The following KCNT2 variants were observed in gnomAD, a reference collection of about 807,000 sequenced individuals.
The protein encoded by KCNT2 is potassium sodium-activated channel subfamily T member 2.
A neutral mutation model predicts 153.8 loss-of-function variants in KCNT2; 67 were observed. The ratio of observed to expected loss-of-function variants is 0.44; its 90% CI spans 0.36 to 0.53. The LOEUF (loss-of-function observed/expected upper bound fraction) is 0.53, where lower values mean the gene tolerates loss of function less well. KCNT2 is among the 20% of genes least tolerant of loss of function. The pLI is 0.00. For synonymous variants in KCNT2, 500 were observed against 458.8 expected (o/e 1.09, Z -1.15); for missense variants, 975 against 1,354.8 (o/e 0.72, Z 4.40).
At chr1:196,240,531 A>T (rs571799304) in intron 26 of KCNT2, among the ~76,000 whole-genome samples, 13 of 152,090 alleles carry the variant, frequency 8.5e-5, no homozygotes, top group Non-Finnish European at 1.8e-4. Flanking sequence ...TATAAAAAAC[A>T]ATTATATATG....
At chr1:196,234,906 G>A (rs1430310821) in intron 27 of KCNT2, among the ~76,000 whole-genome samples, 1 of 151,234 alleles carries the variant, frequency 6.6e-6, no homozygotes, top group African/African-American at 2.4e-5. Flanking sequence ...GTTACCCTGG[G>A]TAAACATCAC....
intron 14 of KCNT2, among the ~76,000 whole-genome samples, chr1:196,346,689 A>T (rs998038765): frequency 4.6e-5 from 7 of 152,134 alleles, no homozygotes; most frequent in Admixed American, 6.6e-5. Context: ...TGTTGGTATG[A>T]TTGTTGGGAT....
intron 7 of KCNT2, among the ~76,000 whole-genome samples, chr1:196,466,133 C>T (rs1355997536): frequency 2.0e-5 from 3 of 152,000 alleles, no homozygotes; most frequent in Non-Finnish European, 4.4e-5. Context: ...ATTAATATTG[C>T]AAAACAGGCT....
chr1:196,537,964 C>A (rs1048348912), intron 1 of KCNT2, among the ~76,000 whole-genome samples: 1 of 152,156 alleles, frequency 6.6e-6, no homozygotes, highest in East Asian at 1.9e-4. Context: ...TCCAGGTGCC[C>A]TGCCTGCACC....
At chr1:196,450,201 A>G (rs1242870454) in intron 8 of KCNT2, among the ~76,000 whole-genome samples, 1 of 151,836 alleles carries the variant, frequency 6.6e-6, no homozygotes, top group African/African-American at 2.4e-5. Context: ...CTACTAACAC[A>G]TTGTGTCTTT....
intron 25 of KCNT2, among the ~76,000 whole-genome samples, chr1:196,277,176 T>C (rs1658647288): frequency 6.6e-6 from 1 of 152,142 alleles, no homozygotes; most frequent in South Asian, 2.1e-4. Flanking sequence ...ATCAATAACT[T>C]CCTGAACTTC....
Position 196,493,158 on chromosome 1 carries a change from A to G in KCNT2, c.96-817T>C, listed in dbSNP as rs559340651. Among the ~76,000 whole-genome samples, 65 of 152,338 alleles carry G rather than the reference A, an allele frequency of 4.3e-4. No individual in the cohort carries two copies. In the South Asian group the frequency reaches 5.6e-3, roughly 13 times the overall value. Reference sequence around the variant, plus strand: ...CAGTGCAAGGTAACTTGTAAATAATACTCAATTTCCTTAATCAGTCTCAAA... The same window carrying G: ...CAGTGCAAGGTAACTTGTAAATAATGCTCAATTTCCTTAATCAGTCTCAAA... On this transcript the variant is annotated intron_variant, in intron 1 of 27. Transcript: ENST00000294725.
chr1:196,501,987 C>T (rs1375575225), intron 1 of KCNT2, among the ~76,000 whole-genome samples: 9 of 151,982 alleles, frequency 5.9e-5, no homozygotes, highest in African/African-American at 1.7e-4. Flanking sequence ...GGCATGGCGG[C>T]GGGTGCCTGT....
intron 1 of KCNT2, among the ~76,000 whole-genome samples, chr1:196,536,357 A>G (rs1335274778): frequency 6.6e-6 from 1 of 152,238 alleles, no homozygotes; most frequent in African/African-American, 2.4e-5. Context: ...CCCAGCTAAC[A>G]GTGCAGATTA....
rs1034895844 is a variant in KCNT2 at position 196,409,121 on chromosome 1, C to G, written c.1186-10450G>C. 4.7e-5 allele frequency among the ~76,000 whole-genome samples: 7 copies of G among 149,450 alleles called. No homozygotes were observed. The East Asian group carries it at 7.9e-4, about 17-fold the overall frequency. ...ATCCTTTACTCAATACAAAATATTC[C>G]TCTTCATCTTTGGTATGAGTTCTTG... On this transcript the variant is annotated intron_variant, in intron 12 of 27. Transcript: ENST00000294725.
intron 1 of KCNT2, among the ~76,000 whole-genome samples, chr1:196,499,049 A>G (rs899161613): frequency 6.6e-6 from 1 of 152,206 alleles, no homozygotes; most frequent in African/African-American, 2.4e-5. Flanking sequence ...AAGAAAAGAA[A>G]AATTTGCACA....
chr1:196,480,697 T>C (rs1678931816), intron 4 of KCNT2, among the ~76,000 whole-genome samples: 1 of 150,852 alleles, frequency 6.6e-6, no homozygotes, highest in African/African-American at 2.4e-5. Flanking sequence ...CTACTAAAAA[T>C]ACAAAAAAAG....
At position 196,298,551 on chromosome 1, in the gene KCNT2, C is replaced by T. The variant is rs1006852331; in HGVS notation, c.2595+6683G>A. 3.9e-5 allele frequency among the ~76,000 whole-genome samples: 6 copies of T among 152,030 alleles called. 1 individual carries two copies. The highest frequency in any genetic ancestry group is 1.5e-4 in the African/African-American group (6 of 41,374). On this transcript the variant is annotated intron_variant, in intron 22 of 27. Coordinates refer to ENST00000294725, the MANE Select transcript of KCNT2 (RefSeq NM_198503.5). Reference sequence around the variant, plus strand: ...GTTGGGGTGCCCCATTCTCTCAGGACGTCAACATGTTCGCCAACCGGGAAG... The same window carrying T: ...GTTGGGGTGCCCCATTCTCTCAGGATGTCAACATGTTCGCCAACCGGGAAG...
chr1:196,330,752 G>C (rs1298131153), intron 18 of KCNT2, among the ~76,000 whole-genome samples: 1 of 151,924 alleles, frequency 6.6e-6, no homozygotes, highest in African/African-American at 2.4e-5. Context: ...GAATCTTTGT[G>C]TCTAACACAT....
At chr1:196,487,905 A>G (rs1028097193) in intron 3 of KCNT2, among the ~76,000 whole-genome samples, 5 of 152,026 alleles carry the variant, frequency 3.3e-5, no homozygotes, top group Non-Finnish European at 7.4e-5. Context: ...GTAGATGCAG[A>G]TGCATGAGTT....
At chr1:196,356,878 GA>G (rs879769498) in intron 14 of KCNT2, among the ~76,000 whole-genome samples, 27 of 146,524 alleles carry the variant, frequency 1.8e-4, no homozygotes, top group Middle Eastern at 3.5e-3. Context: ...AATTCAAAAG[GA>G]AAAAAAAAAT....
chr1:196,228,610 G>C (rs1653677535), intron 27 of KCNT2, among the ~76,000 whole-genome samples: 2 of 151,940 alleles, frequency 1.3e-5, no homozygotes, highest in South Asian at 2.1e-4. Flanking sequence ...TGTGCATGTT[G>C]ACTGTCAGTC....
intron 1 of KCNT2, among the ~76,000 whole-genome samples, chr1:196,534,121 C>A (rs2148855419): frequency 6.6e-6 from 1 of 152,056 alleles, no homozygotes; most frequent in Middle Eastern, 3.4e-3. Flanking sequence ...AAGGAAGAAT[C>A]TTTTTTACCT....
chr1:196,402,250 C>A (rs1041168200), intron 12 of KCNT2, among the ~76,000 whole-genome samples: 1 of 151,336 alleles, frequency 6.6e-6, no homozygotes, highest in Non-Finnish European at 1.5e-5. Flanking sequence ...ACAAGAGTAA[C>A]AAATGTTTAA....
Sources: allele counts gnomAD v4.1 joint callset (sites outside exome capture counted in the v4.1 genomes callset), GRCh38; gene constraint gnomAD v4.1.1; transcripts MANE v1.5; gene names NCBI Gene and HGNC (gene_info 2026-07-23, HGNC 2026-07-21).